Variants in CFAP47 observed in about 807,000 individuals in gnomAD.
CFAP47 encodes the protein cilia and flagella associated protein 47.
In CFAP47, 29 loss-of-function variants were observed where a neutral mutation model predicts 148.1. The observed-to-expected ratio is 0.20, with a 90% CI of 0.15 to 0.27. CFAP47 has a LOEUF of 0.27. Among genes scored for constraint, CFAP47 ranks in the 10% least tolerant of loss-of-function variants. The pLI is 1.00. For missense variants in CFAP47, 1,872 were observed against 1,697.5 expected, an observed-to-expected ratio of 1.10 and a Z score of -1.81; for synonymous variants, 664 against 577.3, an observed-to-expected ratio of 1.15 and a Z score of -2.15.
chrX:36,227,295 G>C (rs1555991674), intron 45 of CFAP47, among the ~76,000 whole-genome samples: 2 of 111,353 alleles, frequency 1.8e-5, no homozygotes, highest in African/African-American at 6.5e-5. Flanking sequence ...TGAACTTGTT[G>C]GATGTAATAC....
rs760843388 is a variant in CFAP47 at position 36,071,779 on chromosome X, C to T, written c.4319-46C>T. 1.3e-5 allele frequency: 14 copies of T among 1,106,525 alleles called. No homozygotes were observed. In the East Asian group the frequency reaches 3.1e-4, roughly 24 times the overall value. 91.2% of individuals were successfully genotyped at this position (1,106,525 alleles called of 1,213,427 possible). On this transcript the variant is annotated intron_variant, in intron 27 of 63. Coordinates refer to ENST00000378653, the MANE Select transcript of CFAP47 (RefSeq NM_001304548.2). ...GGTTAAATAATGGTATAAAGAAATA[C>T]GTGAATGCATGTTTTGCTTACTGTG...
At chrX:36,232,423 G>A (rs1188859481) in intron 46 of CFAP47, among the ~76,000 whole-genome samples, 2 of 111,759 alleles carry the variant, frequency 1.8e-5, no homozygotes, top group Non-Finnish European at 3.8e-5. Context: ...AGTATTCTCT[G>A]ATGGTAGTTT....
intron 33 of CFAP47, among the ~76,000 whole-genome samples, chrX:36,130,695 A>T (rs1299667661): frequency 9.0e-6 from 1 of 111,220 alleles, no homozygotes; most frequent in African/African-American, 3.3e-5. Flanking sequence ...CAGCAGTTGA[A>T]TAGATAAAAA....
chrX:36,088,730 A>G (rs773379905), intron 30 of CFAP47, among the ~76,000 whole-genome samples: 2 of 111,793 alleles, frequency 1.8e-5, no homozygotes, highest in Admixed American at 1.9e-4. Context: ...GAGCTTACCA[A>G]TATCATATCT....
chrX:35,936,302 C>T (rs1334993084), intron 2 of CFAP47, among the ~76,000 whole-genome samples: 1 of 111,620 alleles, frequency 9.0e-6, no homozygotes, highest in Non-Finnish European at 1.9e-5. Context: ...GTATTGTGTT[C>T]ATCACTATGT....
intron 49 of CFAP47, among the ~76,000 whole-genome samples, chrX:36,255,068 C>G (rs1555998781): frequency 8.9e-6 from 1 of 111,831 alleles, no homozygotes; most frequent in African/African-American, 3.3e-5. Flanking sequence ...CGATCATGTT[C>G]CAAGTGTGCC....
chrX:36,037,338 TTTGTTGTTGTTGTTGTTG>T (rs768498053), intron 24 of CFAP47, among the ~76,000 whole-genome samples: 1 of 106,177 alleles, frequency 9.4e-6, no homozygotes, highest in African/African-American at 3.5e-5. Flanking sequence ...AACTTTACTC[TTTGTTGTTGTTGTTGTTG>T]TTGTTGTTGT....
chrX:36,374,337 T>C (rs1556022511), intron 62 of CFAP47, among the ~76,000 whole-genome samples: 1 of 111,170 alleles, frequency 9.0e-6, no homozygotes, highest in Non-Finnish European at 1.9e-5. Flanking sequence ...AGATAATTGT[T>C]CATAATAGTC....
intron 51 of CFAP47, among the ~76,000 whole-genome samples, chrX:36,294,650 T>G: frequency 9.1e-6 from 1 of 110,489 alleles, no homozygotes; most frequent in Non-Finnish European, 1.9e-5. Context: ...AGGCGGAGCT[T>G]GCAGTGAGCC....
intron 57 of CFAP47, among the ~76,000 whole-genome samples, chrX:36,328,124 C>T (rs1214563489): frequency 1.8e-5 from 2 of 111,771 alleles, no homozygotes; most frequent in African/African-American, 6.5e-5. Flanking sequence ...TTTTAAAAGA[C>T]TCCTTATGTT....
chrX:36,301,312 G>A (rs1941297188), intron 53 of CFAP47, 133 bp downstream of exon 53: 1 of 412,001 alleles, frequency 2.4e-6, no homozygotes, highest in Non-Finnish European at 4.1e-6. Flanking sequence ...TTTTCCCCTA[G>A]GGAAGGTTTG....
intron 13 of CFAP47, among the ~76,000 whole-genome samples, chrX:35,972,189 A>C (rs1408272104): frequency 9.1e-6 from 1 of 110,041 alleles, no homozygotes; most frequent in Non-Finnish European, 1.9e-5. Context: ...GAATGCTGCC[A>C]TCACTCTCAT....
At chrX:36,344,779 A>T (rs1556016319) in intron 57 of CFAP47, among the ~76,000 whole-genome samples, 1 of 111,930 alleles carries the variant, frequency 8.9e-6, no homozygotes, top group Non-Finnish European at 1.9e-5. Flanking sequence ...TTGAGGATGC[A>T]TGCATGGTTT....
chrX:36,226,566 C>T (rs1000659167), intron 45 of CFAP47, among the ~76,000 whole-genome samples: 2 of 111,420 alleles, frequency 1.8e-5, no homozygotes, highest in Admixed American at 1.9e-4. Context: ...TTTATAAATA[C>T]ATCATCAAAA....
chrX:36,066,372 T>G (rs757074171), intron 27 of CFAP47, among the ~76,000 whole-genome samples: 5 of 111,790 alleles, frequency 4.5e-5, no homozygotes, highest in Non-Finnish European at 7.5e-5. Flanking sequence ...ATTCTTCACT[T>G]GTTTCTTCAA....
chrX:36,176,170 G>T (rs1939677475), intron 39 of CFAP47, among the ~76,000 whole-genome samples: 1 of 112,871 alleles, frequency 8.9e-6, no homozygotes. Context: ...CGTGCATGGT[G>T]TGCGCACCCA....
chrX:36,226,653 TG>T (rs1372813632), intron 45 of CFAP47, among the ~76,000 whole-genome samples: 8 of 111,713 alleles, frequency 7.2e-5, no homozygotes, highest in Non-Finnish European at 1.5e-4. Flanking sequence ...GGGCTGACAT[TG>T]TGTAGCCCTT....
At chrX:36,304,392 C>CA (rs34996225) in intron 54 of CFAP47, among the ~76,000 whole-genome samples, 4,422 of 80,726 alleles carry the variant, frequency 0.055, 236 homozygotes, top group African/African-American at 0.16. Context: ...CAAAAGTAAT[C>CA]AAAAAAAAAA....
At position 36,315,624 on chromosome X, in the gene CFAP47, A is replaced by G. The variant is rs958226696; in HGVS notation, c.8345-3585A>G. On this transcript the variant is annotated intron_variant, in intron 56 of 63. Transcript: ENST00000378653. ...TATTTATCTGGGCCATTGTCCAGCT[A>G]CCAACACCTGTAACTCTTGGATATT... Among the ~76,000 whole-genome samples the G allele has an allele frequency of 2.1e-4, 24 of 112,134 alleles. 2 individuals are homozygous for G. Among genetic ancestry groups the G allele is most frequent in the Admixed American group, 2.0e-3 (21 of 10,524 alleles).
Sources: allele counts gnomAD v4.1 joint callset (sites outside exome capture counted in the v4.1 genomes callset), GRCh38; gene constraint gnomAD v4.1.1; transcripts MANE v1.5; gene names NCBI Gene and HGNC (gene_info 2026-07-23, HGNC 2026-07-21).